The following SLC25A21 variants were observed in gnomAD, a reference collection of about 807,000 sequenced individuals.
SLC25A21 encodes the protein mitochondrial 2-oxodicarboxylate carrier.
A neutral mutation model predicts 43.8 loss-of-function variants in SLC25A21; 47 were observed. That is an observed-to-expected ratio of 1.07 (90% CI 0.85 to 1.37). SLC25A21 has a LOEUF of 1.37. SLC25A21 is among the 40% of genes most tolerant of loss of function. The pLI, the probability that SLC25A21 is intolerant of heterozygous loss-of-function variation, is 0.00. For missense variants in SLC25A21, 352 were observed against 350.2 expected, an observed-to-expected ratio of 1.00 and a Z score of -0.04; for synonymous variants, 131 against 121.3, an observed-to-expected ratio of 1.08 and a Z score of -0.52.
At position 36,778,524 on chromosome 14, in the gene SLC25A21, T is replaced by C. The variant is rs10129465; in HGVS notation, c.203+35394A>G. Among the ~76,000 whole-genome samples the C allele has an allele frequency of 5.5e-3, 830 of 152,252 alleles. 6 individuals are homozygous for C. Among genetic ancestry groups the C allele is most frequent in the African/African-American group, 0.019 (784 of 41,558 alleles). On this transcript the variant is annotated intron_variant, in intron 3 of 9. Coordinates refer to ENST00000331299, the MANE Select transcript of SLC25A21 (RefSeq NM_030631.4). The stretch of plus-strand genomic sequence containing the variant: ...ACTCTTAAAATATTGAGCACTACCA[T>C]GAACAAGCCAGATTCAATAAAGATA...
chr14:36,693,952 G>A (rs932408257), intron 7 of SLC25A21, among the ~76,000 whole-genome samples: 1 of 152,122 alleles, frequency 6.6e-6, no homozygotes. Flanking sequence ...TAGGGTACAT[G>A]TGCACAATGT....
intron 2 of SLC25A21, among the ~76,000 whole-genome samples, chr14:36,843,358 A>G (rs1434124205): frequency 2.0e-5 from 3 of 152,210 alleles, no homozygotes; most frequent in Non-Finnish European, 2.9e-5. Flanking sequence ...AAGGACATGC[A>G]TGACAGCTGA....
chr14:36,793,051 CTT>C (rs1566618952), intron 3 of SLC25A21, among the ~76,000 whole-genome samples: 1 of 152,124 alleles, frequency 6.6e-6, no homozygotes, highest in Admixed American at 6.6e-5. Context: ...ACTGGCATTA[CTT>C]TTTTATTATT....
chr14:36,731,704 C>T (rs1186202900), intron 4 of SLC25A21, among the ~76,000 whole-genome samples: 1 of 152,114 alleles, frequency 6.6e-6, no homozygotes, highest in African/African-American at 2.4e-5. Flanking sequence ...TGGTTCTTTC[C>T]CAGGCATTGG....
At chr14:36,839,692 A>G (rs1889322820) in intron 2 of SLC25A21, among the ~76,000 whole-genome samples, 2 of 152,240 alleles carry the variant, frequency 1.3e-5, no homozygotes, top group South Asian at 4.1e-4. Context: ...ATGTTCTGTG[A>G]AATGCATCAA....
chr14:36,999,158 T>C (rs1183840574), intron 1 of SLC25A21, among the ~76,000 whole-genome samples: 1 of 152,060 alleles, frequency 6.6e-6, no homozygotes, highest in Non-Finnish European at 1.5e-5. Flanking sequence ...AATGGATACA[T>C]AAACTGTGGT....
chr14:36,703,146 G>T (rs1038129569), intron 7 of SLC25A21, among the ~76,000 whole-genome samples: 1 of 152,174 alleles, frequency 6.6e-6, no homozygotes, highest in African/African-American at 2.4e-5. Flanking sequence ...GAGTAAGAGA[G>T]AATCAGAAAA....
At chr14:36,876,181 T>G (rs1391643779) in intron 1 of SLC25A21, among the ~76,000 whole-genome samples, 1 of 152,182 alleles carries the variant, frequency 6.6e-6, no homozygotes, top group East Asian at 1.9e-4. Context: ...ATGATGTAGT[T>G]TATCTTCCCC....
rs536397218 is a variant in SLC25A21 at position 36,999,451 on chromosome 14, T to C, written c.71-124447A>G. The stretch of plus-strand genomic sequence containing the variant: ...TCTCTGTATGTTTGGATACATAACA[T>C]TATACATTTTTCCAGACCCATAGAA... On this transcript the variant is annotated intron_variant, in intron 1 of 9. Coordinates refer to ENST00000331299, the MANE Select transcript of SLC25A21 (RefSeq NM_030631.4). Among the ~76,000 whole-genome samples, 21 of 152,260 alleles carry C rather than the reference T, an allele frequency of 1.4e-4. 1 individual carries two copies. The South Asian group carries it at 4.4e-3, about 32-fold the overall frequency.
chr14:36,761,242 C>G (rs1886145299), intron 3 of SLC25A21, among the ~76,000 whole-genome samples: 1 of 152,196 alleles, frequency 6.6e-6, no homozygotes, highest in Admixed American at 6.5e-5. Flanking sequence ...TGGGGTGCGA[C>G]TCTACTACTC....
chr14:36,995,373 C>T (rs532939689), intron 1 of SLC25A21, among the ~76,000 whole-genome samples: 5 of 152,200 alleles, frequency 3.3e-5, no homozygotes, highest in Admixed American at 1.3e-4. Context: ...AATGTTAATG[C>T]TTTTCTGTTT....
chr14:36,937,349 C>T (rs989930287), intron 1 of SLC25A21, among the ~76,000 whole-genome samples: 1 of 152,180 alleles, frequency 6.6e-6, no homozygotes, highest in Non-Finnish European at 1.5e-5. Context: ...ATTAGGAATG[C>T]CTTCACAAAC....
intron 3 of SLC25A21, among the ~76,000 whole-genome samples, chr14:36,796,457 A>G (rs556658309): frequency 6.6e-6 from 1 of 151,416 alleles, no homozygotes; most frequent in African/African-American, 2.4e-5. Context: ...CTTTAAACAG[A>G]GTTGAACATT....
intron 1 of SLC25A21, among the ~76,000 whole-genome samples, chr14:37,161,260 T>C (rs1417159320): frequency 1.3e-5 from 2 of 151,974 alleles, no homozygotes; most frequent in African/African-American, 4.8e-5. Flanking sequence ...ATCAGTGACG[T>C]GAAATTCTGC....
At chr14:36,729,947 G>A (rs2139220409) in intron 4 of SLC25A21, among the ~76,000 whole-genome samples, 1 of 152,302 alleles carries the variant, frequency 6.6e-6, no homozygotes, top group African/African-American at 2.4e-5. Context: ...CTTTCCCAGT[G>A]AAAGCCCAAT....
intron 1 of SLC25A21, among the ~76,000 whole-genome samples, chr14:37,044,968 C>T (rs1254205802): frequency 6.6e-6 from 1 of 152,122 alleles, no homozygotes; most frequent in Non-Finnish European, 1.5e-5. Flanking sequence ...TAGTGGTGAT[C>T]AATATACATA....
At chr14:36,754,024 C>A (rs1175195978) in intron 3 of SLC25A21, among the ~76,000 whole-genome samples, 1 of 151,600 alleles carries the variant, frequency 6.6e-6, no homozygotes, top group Non-Finnish European at 1.5e-5. Context: ...ATCCCAGATC[C>A]ATTTTTTGGA....
rs1003081565 is a variant in SLC25A21 at position 36,703,613 on chromosome 14, A to G, written c.603+7705T>C. Reference sequence around the variant, plus strand: ...TAACCTGCAAACATCCTTAATTAGGATGCAAACTGAAAGCACCATTTAATA... The same window carrying G: ...TAACCTGCAAACATCCTTAATTAGGGTGCAAACTGAAAGCACCATTTAATA... On this transcript the variant is annotated intron_variant, in intron 7 of 9. Coordinates refer to ENST00000331299, the MANE Select transcript of SLC25A21 (RefSeq NM_030631.4). Among the ~76,000 whole-genome samples, 18 of 152,352 alleles carry G rather than the reference A, an allele frequency of 1.2e-4. 1 individual carries two copies. The East Asian group carries it at 3.5e-3, about 29-fold the overall frequency.
At chr14:37,115,673 G>C (rs939853276) in intron 1 of SLC25A21, among the ~76,000 whole-genome samples, 2 of 152,092 alleles carry the variant, frequency 1.3e-5, no homozygotes, top group African/African-American at 4.8e-5. Flanking sequence ...GCTGAGAAAA[G>C]AATTAAGGAA....
Sources: gnomAD v4.1 joint callset for allele counts (sites outside exome capture counted in the v4.1 genomes callset) on GRCh38, gnomAD v4.1.1 for gene constraint, MANE v1.5 for transcripts, NCBI Gene and HGNC (gene_info 2026-07-23, HGNC 2026-07-21) for gene names.